L3MBTL4: variants seen among roughly 807,000 people sequenced by gnomAD.
The protein encoded by L3MBTL4 is L3MBTL histone methyl-lysine binding protein 4, also known as lethal(3)malignant brain tumor-like protein 4.
In L3MBTL4, 70 loss-of-function variants were observed where a neutral mutation model predicts 84.5. The observed-to-expected ratio is 0.83, with a 90% confidence interval of 0.68 to 1.01. The LOEUF is 1.01. L3MBTL4 is among the 50% of genes least tolerant of loss of function. The pLI is 0.00. For synonymous variants in L3MBTL4, 274 were observed against 259.8 expected, an observed-to-expected ratio of 1.05 and a Z score of -0.52; for missense variants, 715 against 754.8, an observed-to-expected ratio of 0.95 and a Z score of 0.62.
chr18:5,985,933 G>A (rs2053444413), intron 16 of L3MBTL4, among the ~76,000 whole-genome samples: 1 of 152,158 alleles, frequency 6.6e-6, no homozygotes, highest in Non-Finnish European at 1.5e-5. Context: ...ATGCTGTAGA[G>A]GGTCAGAGGG....
intron 4 of L3MBTL4, among the ~76,000 whole-genome samples, chr18:6,268,116 G>A (rs1360139165): frequency 5.9e-5 from 9 of 152,142 alleles, no homozygotes. Flanking sequence ...ATAAATATTT[G>A]TTTAATGGCC....
chr18:6,414,430 C>T lies in L3MBTL4; in HGVS notation c.-91+371G>A, dbSNP rs2056106574. On this transcript the variant is annotated intron_variant, in intron 1 of 18. Coordinates refer to ENST00000317931, the MANE Select transcript of L3MBTL4 (RefSeq NM_001330559.2). The surrounding 1 kb of genome is among the most constrained non-coding windows in gnomAD (Gnocchi z 5.4). ...CTCAGGAGTCCCGTCCCGTCCCGCT[C>T]CCCCGGTCCCAGGCTGCGCTGGCTC... Among the ~76,000 whole-genome samples the T allele has an allele frequency of 6.6e-6, 1 of 152,130 alleles. No individual in the cohort carries two copies. Among genetic ancestry groups the T allele is most frequent in the African/African-American group, 2.4e-5 (1 of 41,452 alleles).
chr18:6,239,593 A>G (rs753604275), intron 9 of L3MBTL4, 125 bp downstream of exon 9: 4 of 886,636 alleles, frequency 4.5e-6, no homozygotes, highest in Admixed American at 4.3e-5. Context: ...TGAACAGTCA[A>G]CCACCAAATT....
intron 1 of L3MBTL4, among the ~76,000 whole-genome samples, chr18:6,329,151 C>CTT (rs992694853): frequency 3.8e-4 from 48 of 126,538 alleles, no homozygotes; most frequent in African/African-American, 5.7e-4. Context: ...TTTTTCTTTT[C>CTT]TTTTTTTTTT....
Position 6,243,464 on chromosome 18 carries a change from T to G in L3MBTL4, c.325-35A>C, listed in dbSNP as rs1341489337. On this transcript the variant is annotated intron_variant, in intron 6 of 18. Coordinates refer to ENST00000317931, the MANE Select transcript of L3MBTL4 (RefSeq NM_001330559.2). ...AGAAAGTTTACAATCATTCGTTAAG[T>G]GTCATATATTTGGAGTAGACACAAA... 8 of 1,537,386 alleles carry G rather than the reference T, an allele frequency of 5.2e-6. No individual in the cohort carries two copies. The African/African-American group carries it at 1.1e-4, about 21-fold the overall frequency.
chr18:6,032,888 C>A (rs972472000), intron 16 of L3MBTL4, among the ~76,000 whole-genome samples: 3 of 152,198 alleles, frequency 2.0e-5, no homozygotes, highest in African/African-American at 7.2e-5. Context: ...CTTTGTTAGG[C>A]TGAATAATAT....
intron 12 of L3MBTL4, among the ~76,000 whole-genome samples, chr18:6,202,238 C>T (rs369504015): frequency 2.6e-5 from 4 of 152,110 alleles, no homozygotes; most frequent in South Asian, 2.1e-4. Flanking sequence ...TAGGGCTACC[C>T]GATTTGTGAA....
At chr18:6,193,378 G>T (rs1385457858) in intron 12 of L3MBTL4, among the ~76,000 whole-genome samples, 1 of 152,174 alleles carries the variant, frequency 6.6e-6, no homozygotes, top group Admixed American at 6.5e-5. Flanking sequence ...AAACCCAGAG[G>T]GCTTTAGGGA....
intron 1 of L3MBTL4, among the ~76,000 whole-genome samples, chr18:6,372,660 G>C (rs2054202403): frequency 6.6e-6 from 1 of 152,142 alleles, no homozygotes; most frequent in Non-Finnish European, 1.5e-5. Flanking sequence ...AATCCAGTAA[G>C]TGCCCCCTTT....
intron 1 of L3MBTL4, among the ~76,000 whole-genome samples, chr18:6,327,966 T>C (rs1317240914): frequency 2.0e-5 from 3 of 152,182 alleles, no homozygotes; most frequent in Non-Finnish European, 2.9e-5. Context: ...TAAAAAACAA[T>C]GAAGACATTT....
intron 1 of L3MBTL4, among the ~76,000 whole-genome samples, chr18:6,318,667 C>T (rs1161461972): frequency 2.0e-5 from 3 of 151,748 alleles, no homozygotes; most frequent in Non-Finnish European, 4.4e-5. Context: ...GATAGAACAG[C>T]AACACAATAA....
intron 16 of L3MBTL4, among the ~76,000 whole-genome samples, chr18:6,004,984 G>A (rs931909405): frequency 1.5e-5 from 2 of 131,138 alleles, no homozygotes; most frequent in Non-Finnish European, 3.2e-5. Context: ...ACATAAAAAT[G>A]GTTAAGATGA....
chr18:6,066,662 A>G (rs1420928739), intron 16 of L3MBTL4, among the ~76,000 whole-genome samples: 1 of 151,964 alleles, frequency 6.6e-6, no homozygotes, highest in Non-Finnish European at 1.5e-5. Flanking sequence ...GTTTTGTGTG[A>G]TATAAGAATA....
chr18:6,036,753 G>A (rs527930283), intron 16 of L3MBTL4, among the ~76,000 whole-genome samples: 1 of 152,276 alleles, frequency 6.6e-6, no homozygotes, highest in African/African-American at 2.4e-5. Context: ...TTTCCCCAGA[G>A]TTTGCTAATT....
chr18:6,272,078 G>GT, intron 4 of L3MBTL4, among the ~76,000 whole-genome samples: 1 of 152,216 alleles, frequency 6.6e-6, no homozygotes, highest in East Asian at 1.9e-4. Context: ...GCTGTTAAGC[G>GT]TATCAGGAGA....
intron 1 of L3MBTL4, chr18:6,396,849 T>A (rs2144597364): frequency 6.6e-6 from 1 of 152,310 alleles, no homozygotes; most frequent in Middle Eastern, 3.4e-3. Flanking sequence ...AAAACAACCC[T>A]CTTCTACAGG....
intron 13 of L3MBTL4, among the ~76,000 whole-genome samples, chr18:6,160,686 G>A (rs1320315554): frequency 1.4e-5 from 2 of 143,462 alleles, no homozygotes; most frequent in South Asian, 2.2e-4. Context: ...AGCTGAAATC[G>A]CACCATTACA....
intron 5 of L3MBTL4, among the ~76,000 whole-genome samples, chr18:6,245,057 C>T (rs985112180): frequency 2.0e-5 from 3 of 151,974 alleles, no homozygotes; most frequent in Non-Finnish European, 4.4e-5. Flanking sequence ...TTACATACTG[C>T]GCCCAGCTAA....
chr18:6,234,861 T>G (rs1319614315), intron 10 of L3MBTL4, among the ~76,000 whole-genome samples: 1 of 152,154 alleles, frequency 6.6e-6, no homozygotes, highest in South Asian at 2.1e-4. Context: ...TAAAGACACA[T>G]GCACATGTAT....
Sources: gnomAD v4.1 joint callset for allele counts (sites outside exome capture counted in the v4.1 genomes callset) on GRCh38, gnomAD v4.1.1 for gene constraint, Gnocchi (gnomAD v3.1) non-coding constraint, MANE v1.5 for transcripts, NCBI Gene and HGNC (gene_info 2026-07-23, HGNC 2026-07-21) for gene names.